PRKCE: variants seen among roughly 807,000 people sequenced by gnomAD.
PRKCE encodes protein kinase C epsilon.
Under a neutral mutation model 85.4 loss-of-function variants are expected in PRKCE, and 16 were observed. The observed-to-expected ratio is 0.19, with a 90% confidence interval of 0.13 to 0.28. PRKCE has a LOEUF of 0.28. Ranked by LOEUF, PRKCE falls within the 10% of genes least tolerant of loss-of-function variation. The pLI, the probability that PRKCE is intolerant of heterozygous loss-of-function variation, is 1.00. For synonymous variants in PRKCE, 388 were observed against 371.5 expected (o/e 1.04, Z -0.51); for missense variants, 573 against 975.2 (o/e 0.59, Z 5.49).
At chr2:45,854,416 A>G (rs1692517538) in intron 2 of PRKCE, among the ~76,000 whole-genome samples, 1 of 152,212 alleles carries the variant, frequency 6.6e-6, no homozygotes, top group South Asian at 2.1e-4. Context: ...CAGGGCCTCA[A>G]TAGCCCTGGG....
chr2:46,103,900 G>A (rs1237978796), intron 11 of PRKCE, among the ~76,000 whole-genome samples: 2 of 152,114 alleles, frequency 1.3e-5, no homozygotes, highest in African/African-American at 4.8e-5. Flanking sequence ...AGGAGGAGGT[G>A]GAAGGGGAGG....
At chr2:45,707,942 T>C (rs1299379381) in intron 1 of PRKCE, among the ~76,000 whole-genome samples, 1 of 152,236 alleles carries the variant, frequency 6.6e-6, no homozygotes, top group Non-Finnish European at 1.5e-5. Flanking sequence ...GCATGACTTA[T>C]GTCTGGTACC....
chr2:46,102,571 G>C (rs1671345516), intron 11 of PRKCE, among the ~76,000 whole-genome samples: 1 of 152,104 alleles, frequency 6.6e-6, no homozygotes. Flanking sequence ...ATGCCTTCTT[G>C]TCGTTGTTCC....
At position 46,060,399 on chromosome 2, in the gene PRKCE, C is replaced by G. The variant is rs115903049; in HGVS notation, c.1438-25809C>G. On this transcript the variant is annotated intron_variant, in intron 10 of 14. Transcript: ENST00000306156. The stretch of plus-strand genomic sequence containing the variant: ...CCTGCCCATGGTTTTACAATACCTT[C>G]GTGATGACACCGGAGGCAGGCAAAG... Among the ~76,000 whole-genome samples, 284 of 152,248 alleles carry G rather than the reference C, an allele frequency of 1.9e-3. 3 individuals carry two copies. Among genetic ancestry groups the G allele is most frequent in the African/African-American group, 6.2e-3 (259 of 41,556 alleles).
intron 5 of PRKCE, among the ~76,000 whole-genome samples, chr2:45,982,920 C>G (rs573455261): frequency 6.6e-6 from 1 of 152,220 alleles, no homozygotes; most frequent in Non-Finnish European, 1.5e-5. Flanking sequence ...GAGACCAAGA[C>G]TCTATTCTCA....
intron 1 of PRKCE, among the ~76,000 whole-genome samples, chr2:45,782,785 A>T (rs957302848): frequency 1.3e-5 from 2 of 151,764 alleles, no homozygotes; most frequent in South Asian, 4.2e-4. Flanking sequence ...ACACACACTC[A>T]CACACACACA....
chr2:45,781,760 G>T (rs1225588251), intron 1 of PRKCE, among the ~76,000 whole-genome samples: 1 of 151,846 alleles, frequency 6.6e-6, no homozygotes. Context: ...ATTCAAAATA[G>T]CTTCTCATTA....
intron 1 of PRKCE, among the ~76,000 whole-genome samples, chr2:45,674,106 T>C (rs923335647): frequency 9.2e-5 from 14 of 152,202 alleles, no homozygotes; most frequent in Non-Finnish European, 1.9e-4. Context: ...TAAAAGCTAC[T>C]TGCAAAGATG....
chr2:45,999,185 T>C (rs562634816), intron 6 of PRKCE, among the ~76,000 whole-genome samples: 106 of 152,340 alleles, frequency 7.0e-4, no homozygotes, highest in African/African-American at 2.5e-3. Context: ...ACCTGCTCTC[T>C]TTTTCATGTA....
At chr2:45,724,873 T>A (rs1380674008) in intron 1 of PRKCE, among the ~76,000 whole-genome samples, 1 of 152,170 alleles carries the variant, frequency 6.6e-6, no homozygotes, top group Non-Finnish European at 1.5e-5. Context: ...AAAGAAGCCA[T>A]CTCCATAACA....
In PRKCE at chr2:46,184,582, G is replaced by A. The variant is rs1000723004; in HGVS notation, c.2068-153G>A. 8.6e-5 allele frequency among the ~76,000 whole-genome samples: 13 copies of A among 152,026 alleles called. No individual in the cohort carries two copies. The highest frequency in any genetic ancestry group is 2.7e-4 in the African/African-American group (11 of 41,368). On this transcript the variant is annotated intron_variant, in intron 14 of 14. Transcript: ENST00000306156. The surrounding 1 kb of genome is among the most constrained non-coding windows in gnomAD (Gnocchi z 5.0). Reference sequence around the variant, plus strand: ...CCTCCGGGTCCTGGGGCCATCCATCGTTACCTCATCGGGACAGCCCCGTGT... The same window carrying A: ...CCTCCGGGTCCTGGGGCCATCCATCATTACCTCATCGGGACAGCCCCGTGT...
intron 1 of PRKCE, among the ~76,000 whole-genome samples, chr2:45,671,311 G>A (rs761374152): frequency 5.9e-5 from 9 of 152,166 alleles, no homozygotes; most frequent in Non-Finnish European, 1.2e-4. Flanking sequence ...GATGAATTGG[G>A]GGCCAAGGCA....
At chr2:46,168,520 TTG>T (rs1378458881) in intron 14 of PRKCE, among the ~76,000 whole-genome samples, 2 of 152,178 alleles carry the variant, frequency 1.3e-5, no homozygotes, top group Non-Finnish European at 2.9e-5. Context: ...CAACAAGTGT[TTG>T]TTGAACATGT....
chr2:45,661,932 G>T (rs61421760), intron 1 of PRKCE, among the ~76,000 whole-genome samples: 1 of 152,140 alleles, frequency 6.6e-6, no homozygotes, highest in East Asian at 1.9e-4. Context: ...TTTTTGAATA[G>T]ATTTGTTTTT....
intron 1 of PRKCE, among the ~76,000 whole-genome samples, chr2:45,679,503 T>C (rs1054874057): frequency 6.6e-6 from 1 of 152,194 alleles, no homozygotes; most frequent in Non-Finnish European, 1.5e-5. Context: ...AATCTAAGTC[T>C]GTTTATAATA....
intron 1 of PRKCE, among the ~76,000 whole-genome samples, chr2:45,790,477 C>CA (rs1460456456): frequency 6.6e-6 from 1 of 152,180 alleles, no homozygotes; most frequent in Non-Finnish European, 1.5e-5. Flanking sequence ...AGCAAGTTTT[C>CA]AAGGCTTGTA....
chr2:45,784,315 G>A (rs142234931), intron 1 of PRKCE, among the ~76,000 whole-genome samples: 34 of 152,368 alleles, frequency 2.2e-4, no homozygotes, highest in African/African-American at 2.4e-4. Flanking sequence ...CCCTGTAGGC[G>A]TGAGGGCCAC....
At chr2:45,901,054 G>A (rs1429461261) in intron 2 of PRKCE, among the ~76,000 whole-genome samples, 1 of 152,200 alleles carries the variant, frequency 6.6e-6, no homozygotes, top group African/African-American at 2.4e-5. Context: ...GTTGGCTAGG[G>A]AAAGATTCTG....
chr2:45,761,331 A>AG (rs1268256170), intron 1 of PRKCE, among the ~76,000 whole-genome samples: 6 of 111,776 alleles, frequency 5.4e-5, no homozygotes, highest in Admixed American at 8.9e-5. Context: ...CATCTCAAAA[A>AG]AAAAAAAAAA....
Sources: gnomAD v4.1 joint callset for allele counts (sites outside exome capture counted in the v4.1 genomes callset) on GRCh38, gnomAD v4.1.1 for gene constraint, Gnocchi (gnomAD v3.1) non-coding constraint, MANE v1.5 for transcripts, NCBI Gene and HGNC (gene_info 2026-07-23, HGNC 2026-07-21) for gene names.